PCLO: variants seen among roughly 807,000 people sequenced by gnomAD.
The protein encoded by PCLO is piccolo presynaptic cytomatrix protein.
Under a neutral mutation model 427.5 loss-of-function variants are expected in PCLO, and 82 were observed. The ratio of observed to expected loss-of-function variants is 0.19; its 90% CI spans 0.16 to 0.23. PCLO has a LOEUF of 0.23. Among genes scored for constraint, PCLO ranks in the 10% least tolerant of loss-of-function variants. The pLI, the probability that PCLO is intolerant of heterozygous loss-of-function variation, is 1.00. For synonymous variants in PCLO, 2,357 were observed against 2,155.4 expected (o/e 1.09, Z -2.59); for missense variants, 6,239 against 6,115.9 (o/e 1.02, Z -0.67).
Position 82,954,405 on chromosome 7 carries a change from G to C in PCLO, c.6548C>G (p.Ser2183Cys). ...GACCGAAGAAACAGATGATGTGAGA[G>C]AAGGTGTGTCAGAGGGTGGGACAGA... ...ATSVPPSDTP[S>C]LTSSVSSVCT... Residue 2183 changes from serine to cysteine, a missense_variant, in exon 5 of 25, where the codon TCT becomes TGT. Physicochemically the swap from Ser to Cys is moderately radical, Grantham distance 112. This residue lies in a region of PCLO where 4,677 missense variants were observed against 4,468.4 expected (regional missense o/e 1.05). Transcript: ENST00000333891. 6.2e-7 allele frequency: 1 copy of C among 1,613,928 alleles called. No individual in the cohort carries two copies.
rs137876037 is a variant in PCLO at position 83,063,370 on chromosome 7, T to G, written c.3300+70880A>C. Among the ~76,000 whole-genome samples the G allele has an allele frequency of 8.5e-3, 1,291 of 152,194 alleles. 12 individuals carry two copies. Among genetic ancestry groups the G allele is most frequent in the Non-Finnish European group, 0.014 (932 of 67,920 alleles). ...CCTGAAAATATAGAAGGTCCCTGTT[T>G]TATGATGTCTGACTTGTGATTTTTG... On this transcript the variant is annotated intron_variant, in intron 3 of 24. Transcript: ENST00000333891.
intron 9 of PCLO, among the ~76,000 whole-genome samples, chr7:82,881,739 G>C (rs1793513031): frequency 6.6e-6 from 1 of 152,024 alleles, no homozygotes; most frequent in Non-Finnish European, 1.5e-5. Context: ...CAAACTCATG[G>C]GCTCAGGGAT....
intron 22 of PCLO, among the ~76,000 whole-genome samples, chr7:82,794,126 T>C (rs935816464): frequency 3.9e-5 from 6 of 152,154 alleles, no homozygotes; most frequent in Non-Finnish European, 8.8e-5. Flanking sequence ...GTAGTTAACG[T>C]ACATTAATTA....
At chr7:82,978,225 T>G (rs1796066447) in intron 3 of PCLO, among the ~76,000 whole-genome samples, 1 of 150,946 alleles carries the variant, frequency 6.6e-6, no homozygotes, top group South Asian at 2.1e-4. Flanking sequence ...ATGTATACTC[T>G]CTTCACCAGG....
At chr7:82,891,042 T>C (rs1793751716) in intron 9 of PCLO, among the ~76,000 whole-genome samples, 1 of 152,158 alleles carries the variant, frequency 6.6e-6, no homozygotes, top group Non-Finnish European at 1.5e-5. Flanking sequence ...TTATTACAAA[T>C]GTAATACATT....
intron 7 of PCLO, 137 bp downstream of exon 7, chr7:82,914,549 A>G (rs951140467): frequency 2.4e-6 from 2 of 832,226 alleles, no homozygotes; most frequent in Non-Finnish European, 4.0e-6. Context: ...TCCATTTACA[A>G]GAAATAAAAT....
intron 9 of PCLO, among the ~76,000 whole-genome samples, chr7:82,893,079 A>T (rs1793810469): frequency 6.6e-6 from 1 of 152,124 alleles, no homozygotes; most frequent in South Asian, 2.1e-4. Flanking sequence ...CTGGGTATAT[A>T]CCCAAAGGAC....
rs2116435982 is a variant in PCLO at position 82,952,812 on chromosome 7, T to A, written c.8141A>T (p.Gln2714Leu). 6.2e-7 allele frequency: 1 copy of A among 1,613,768 alleles called. No individual in the cohort carries two copies. Among genetic ancestry groups the A allele is most frequent in the East Asian group, 2.2e-5 (1 of 44,846 alleles). The change falls in exon 5 of 25, where the codon CAG (glutamine) becomes CTG (leucine). Residue 2714 changes from glutamine to leucine, a missense_variant. By Grantham distance (113) the Gln-to-Leu change is moderately radical. Coordinates refer to ENST00000333891, the MANE Select transcript of PCLO (RefSeq NM_033026.6). ...TTGCAATTTTCCATCTTCTTTATAC[T>A]GAGGCTTCTCTAAATGTATGTTATC... Reference protein sequence around the residue: ...ALDNIHLEKPQYKEDGKLQLV... With the variant: ...ALDNIHLEKPLYKEDGKLQLV...
intron 22 of PCLO, among the ~76,000 whole-genome samples, chr7:82,798,614 CTGTT>C (rs1791277839): frequency 6.6e-6 from 1 of 152,156 alleles, no homozygotes; most frequent in South Asian, 2.1e-4. Context: ...TCTCCTCACT[CTGTT>C]TATATATTCT....
chr7:82,921,905 A>T (rs751418409), intron 6 of PCLO, among the ~76,000 whole-genome samples: 5 of 151,746 alleles, frequency 3.3e-5, no homozygotes, highest in South Asian at 2.1e-4. Flanking sequence ...CAATCTTATT[A>T]AAAAAATGGT....
intron 2 of PCLO, among the ~76,000 whole-genome samples, chr7:83,152,710 A>G (rs2116677510): frequency 6.6e-6 from 1 of 152,184 alleles, no homozygotes; most frequent in East Asian, 1.9e-4. Context: ...CTCAAATGCC[A>G]TTTTCCCCAT....
chr7:82,836,274 C>T (rs1275598870), intron 15 of PCLO, among the ~76,000 whole-genome samples: 2 of 152,094 alleles, frequency 1.3e-5, no homozygotes, highest in African/African-American at 4.8e-5. Flanking sequence ...TATTTTCATT[C>T]TTTCATTTGC....
chr7:82,815,737 G>T (rs1791664312), intron 20 of PCLO, among the ~76,000 whole-genome samples: 1 of 151,982 alleles, frequency 6.6e-6, no homozygotes, highest in Admixed American at 6.6e-5. Context: ...TTGAGTTGTG[G>T]TATTAGGTTG....
intron 3 of PCLO, among the ~76,000 whole-genome samples, chr7:83,032,036 T>C (rs1788682338): frequency 6.6e-6 from 1 of 152,146 alleles, no homozygotes; most frequent in African/African-American, 2.4e-5. Context: ...CTCAATAGTA[T>C]GAGGTTTTCA....
chr7:83,122,532 C>CA (rs2116567405), intron 3 of PCLO, among the ~76,000 whole-genome samples: 1 of 152,196 alleles, frequency 6.6e-6, no homozygotes, highest in African/African-American at 2.4e-5. Flanking sequence ...GTGATCCACC[C>CA]ACCTGGGCCT....
intron 9 of PCLO, among the ~76,000 whole-genome samples, chr7:82,901,469 A>G (rs1018537582): frequency 1.3e-5 from 2 of 152,056 alleles, no homozygotes; most frequent in Non-Finnish European, 2.9e-5. Flanking sequence ...AACCATAATA[A>G]TCCCAGCAGA....
intron 3 of PCLO, among the ~76,000 whole-genome samples, chr7:83,033,494 T>C (rs1788721338): frequency 6.6e-6 from 1 of 152,118 alleles, no homozygotes; most frequent in African/African-American, 2.4e-5. Context: ...TACCTGCCTT[T>C]TCTTTAGCCT....
chr7:82,843,555 G>C (rs961302600), intron 13 of PCLO, among the ~76,000 whole-genome samples: 1 of 151,872 alleles, frequency 6.6e-6, no homozygotes, highest in Non-Finnish European at 1.5e-5. Context: ...ATTTTTTTAA[G>C]CCAAATATTT....
intron 3 of PCLO, among the ~76,000 whole-genome samples, chr7:83,035,938 T>G (rs1562931777): frequency 6.6e-6 from 1 of 152,218 alleles, no homozygotes; most frequent in Non-Finnish European, 1.5e-5. Flanking sequence ...TCTAGCTTGC[T>G]GAAGGCTATA....
Sources: gnomAD v4.1 joint callset for allele counts (sites outside exome capture counted in the v4.1 genomes callset) on GRCh38, gnomAD v4.1.1 for gene constraint, gnomAD v4.1.1 regional missense constraint, MANE v1.5 for transcripts, NCBI Gene and HGNC (gene_info 2026-07-23, HGNC 2026-07-21) for gene names.